PCDHB10: variants seen among roughly 807,000 people sequenced by gnomAD.
The protein encoded by PCDHB10 is protocadherin beta-10.
For missense variants in PCDHB10, 1,046 were observed against 1,004.7 expected, an observed-to-expected ratio of 1.04 and a Z score of -0.56; for synonymous variants, 448 against 449.2, an observed-to-expected ratio of 1.00 and a Z score of 0.04.
rs1563953814 is a variant in PCDHB10 at position 141,193,418 on chromosome 5, GAAC to G, written c.870_872del (p.Thr291del). The G allele has an allele frequency of 6.2e-7, 1 of 1,614,080 alleles. No individual in the cohort carries two copies. Among genetic ancestry groups the G allele is most frequent in the African/African-American group, 1.3e-5 (1 of 75,002 alleles). ...TTTTTTGATGCCTCAGAAAATATTC[GAAC>G]AACCTTTCAAATCAATCCTTTTTCT... On this transcript the variant is annotated inframe_deletion, in exon 1 of 1. Coordinates refer to ENST00000239446, the MANE Select transcript of PCDHB10 (RefSeq NM_018930.4).
rs1753967798 is a variant in PCDHB10 at position 141,193,750 on chromosome 5, T to A, written c.1198T>A (p.Phe400Ile). 6.2e-7 allele frequency: 1 copy of A among 1,614,092 alleles called. No individual in the cohort carries two copies. Among genetic ancestry groups the A allele is most frequent in the Non-Finnish European group, 8.5e-7 (1 of 1,180,044 alleles). The change falls in exon 1 of 1, where the codon TTT (phenylalanine) becomes ATT (isoleucine). Residue 400 changes from phenylalanine to isoleucine, a missense_variant. Phe to Ile is a conservative substitution (Grantham distance 21). Coordinates refer to ENST00000239446, the MANE Select transcript of PCDHB10 (RefSeq NM_018930.4). ...CCTACTAAAACCTTCTGTGGAGAATTTTTACATCCTAATTACAGAAGGCGC... is the reference window on the plus strand; with the variant it reads ...CCTACTAAAACCTTCTGTGGAGAATATTTACATCCTAATTACAGAAGGCGC... ...PFLLKPSVENFYILITEGALD... is the reference protein window; with the variant it reads ...PFLLKPSVENIYILITEGALD...
Position 141,192,958 on chromosome 5 carries a change from A to G in PCDHB10, c.406A>G (p.Lys136Glu), listed in dbSNP as rs1554283926. The G allele has an allele frequency of 6.2e-7, 1 of 1,614,206 alleles. No individual in the cohort carries two copies. The highest frequency in any genetic ancestry group is 8.5e-7 in the Non-Finnish European group (1 of 1,180,032). The change falls in exon 1 of 1, where the codon AAA (lysine) becomes GAA (glutamate). Residue 136 changes from lysine (K) to glutamate (E), a missense_variant. Physicochemically the swap from Lys to Glu is moderately conservative, Grantham distance 56. Coordinates refer to ENST00000239446, the MANE Select transcript of PCDHB10 (RefSeq NM_018930.4). ...INDHAPVFQD[K>E]ETVLKISENT... The stretch of plus-strand genomic sequence containing the variant: ...TGATCACGCGCCAGTATTTCAGGAC[A>G]AAGAAACAGTCTTAAAAATATCAGA...
chr5:141,193,521 C>A lies in PCDHB10; in HGVS notation c.969C>A (p.Asp323Glu), dbSNP rs199921937. The A allele has an allele frequency of 3.1e-6, 5 of 1,614,036 alleles. No individual in the cohort carries two copies. The highest frequency in any genetic ancestry group is 3.4e-6 in the Non-Finnish European group (4 of 1,180,002). ...ACAAAATAAATATACAGGCAATGGACGGTGGAGGCCTTTCTGCAAGATGTA... is the reference window on the plus strand; with the variant it reads ...ACAAAATAAATATACAGGCAATGGAAGGTGGAGGCCTTTCTGCAAGATGTA... ...NSYKINIQAM[D>E]GGGLSARCRV... Residue 323 changes from aspartate to glutamate, a missense_variant, in exon 1 of 1, where the codon GAC (aspartate) becomes GAA (glutamate). Physicochemically the swap from Asp to Glu is conservative, Grantham distance 45 (BLOSUM62 2). Transcript: ENST00000239446.
rs781819470 is a variant in PCDHB10, at chr5:141,193,525, G to A, written c.973G>A (p.Gly325Arg). 6.2e-7 allele frequency: 1 copy of A among 1,614,152 alleles called. No homozygotes were observed. The highest frequency in any genetic ancestry group is 1.7e-5 in the Admixed American group (1 of 60,018). ...AATAAATATACAGGCAATGGACGGT[G>A]GAGGCCTTTCTGCAAGATGTAGGGT... ...YKINIQAMDGGGLSARCRVLV... is the reference protein window; with the variant it reads ...YKINIQAMDGRGLSARCRVLV... Residue 325 changes from glycine (G) to arginine (R), a missense_variant, in exon 1 of 1, where the codon GGA becomes AGA. Transcript: ENST00000239446.
rs1425322210 is a variant in PCDHB10, at chr5:141,192,452, A to T, written c.-101A>T. On this transcript the variant is annotated 5_prime_UTR_variant, in exon 1 of 1. Transcript: ENST00000239446. ...TTGGGAAAGGGAAAGGACAAAAAAGACCCCTGGGCTACACGGCGTAGGTGC... is the reference window on the plus strand; with the variant it reads ...TTGGGAAAGGGAAAGGACAAAAAAGTCCCCTGGGCTACACGGCGTAGGTGC... 3 of 1,446,370 alleles carry T rather than the reference A, an allele frequency of 2.1e-6. No homozygotes were observed. The highest frequency in any genetic ancestry group is 2.9e-5 in the African/African-American group (2 of 69,976). 89.6% of individuals were successfully genotyped at this position (1,446,370 alleles called of 1,614,324 possible). A position where few individuals can be genotyped will look rare whatever the true frequency, so the allele number is the denominator to read the frequency against.
rs1229777473 is a variant in PCDHB10 at position 141,195,219 on chromosome 5, A to C, written c.*264A>C. On this transcript the variant is annotated 3_prime_UTR_variant, in exon 1 of 1. Coordinates refer to ENST00000239446, the MANE Select transcript of PCDHB10 (RefSeq NM_018930.4). Reference sequence around the variant, plus strand: ...GAATTAATTACTATTATATCTCATTACAGAAATCTGAGGTTTTGATTCATT... The same window carrying C: ...GAATTAATTACTATTATATCTCATTCCAGAAATCTGAGGTTTTGATTCATT... The C allele has an allele frequency of 6.3e-6, 2 of 315,856 alleles. No individual in the cohort carries two copies. The highest frequency in any genetic ancestry group is 4.4e-5 in the African/African-American group (2 of 45,554). 19.6% of individuals were successfully genotyped at this position (315,856 alleles called of 1,614,324 possible). A position where few individuals can be genotyped will look rare whatever the true frequency, so the allele number is the denominator to read the frequency against.
In PCDHB10 at chr5:141,194,601, CGAGG is replaced by C. The variant is rs1754008377; in HGVS notation, c.2050_2053del (p.Glu684ProfsTer57). On this transcript the variant is annotated frameshift_variant, in exon 1 of 1. Coordinates refer to ENST00000239446, the MANE Select transcript of PCDHB10 (RefSeq NM_018930.4). LOFTEE classifies it low-confidence loss of function (END_TRUNC). ...AGGCGGCCCCGGCCCAGGCCCAGGC[CGAGG>C]CCGACTTGCTCACCGTCTACCTGGT... The C allele has an allele frequency of 1.2e-6, 1 of 829,980 alleles. No individual in the cohort carries two copies. The highest frequency in any genetic ancestry group is 8.1e-5 in the East Asian group (1 of 12,396). The allele number at this position is 829,980 out of a possible 1,614,324, so 51.4% of individuals were successfully genotyped here.
chr5:141,192,512 C>A lies in PCDHB10; in HGVS notation c.-41C>A. 1 of 1,593,516 alleles carries A rather than the reference C, an allele frequency of 6.3e-7. No individual in the cohort carries two copies. Reference sequence around the variant, plus strand: ...TACTGCTGTTCTTTTATGCTGGGAGCTGTGGCTGTAACCAACTAGGAAATA... The same window carrying A: ...TACTGCTGTTCTTTTATGCTGGGAGATGTGGCTGTAACCAACTAGGAAATA... On this transcript the variant is annotated 5_prime_UTR_variant, in exon 1 of 1. It adds an upstream start codon to the 5' untranslated region. Transcript: ENST00000239446.
Position 141,192,457 on chromosome 5 carries a change from T to C in PCDHB10, c.-96T>C. The C allele has an allele frequency of 6.7e-7, 1 of 1,485,350 alleles. No homozygotes were observed. Among genetic ancestry groups the C allele is most frequent in the Non-Finnish European group, 9.1e-7 (1 of 1,103,956 alleles). 92.0% of individuals were successfully genotyped at this position (1,485,350 alleles called of 1,614,324 possible). Reference sequence around the variant, plus strand: ...AAAGGGAAAGGACAAAAAAGACCCCTGGGCTACACGGCGTAGGTGCAGGGT... The same window carrying C: ...AAAGGGAAAGGACAAAAAAGACCCCCGGGCTACACGGCGTAGGTGCAGGGT... On this transcript the variant is annotated 5_prime_UTR_variant, in exon 1 of 1. Coordinates refer to ENST00000239446, the MANE Select transcript of PCDHB10 (RefSeq NM_018930.4).
chr5:141,194,907 T>C lies in PCDHB10; in HGVS notation c.2355T>C (p.Gly785=). Residue 785 remains glycine, a synonymous_variant, in exon 1 of 1, where the codon GGT becomes GGC. Transcript: ENST00000239446. The part of the protein sequence containing the change: ...DIQAQGPGRK[G]EENSTFRNSF... ...AGGCACAGGGCCCTGGGAGGAAGGGTGAAGAAAATTCCACCTTCCGAAATA... is the reference window on the plus strand; with the variant it reads ...AGGCACAGGGCCCTGGGAGGAAGGGCGAAGAAAATTCCACCTTCCGAAATA... The C allele has an allele frequency of 1.2e-6, 2 of 1,612,832 alleles. No individual in the cohort carries two copies. The highest frequency in any genetic ancestry group is 1.7e-6 in the Non-Finnish European group (2 of 1,179,382).
rs371512348 is a variant in PCDHB10 at position 141,193,142 on chromosome 5, A to G, written c.590A>G (p.Asp197Gly). 1.0e-4 allele frequency: 162 copies of G among 1,614,034 alleles called. 1 individual carries two copies. Among genetic ancestry groups the G allele is most frequent in the Admixed American group, 1.5e-4 (9 of 60,006 alleles). Residue 197 changes from aspartate to glycine, a missense_variant, in exon 1 of 1, where the codon GAC (aspartate) becomes GGC (glycine). Physicochemically the swap from Asp to Gly is moderately conservative, Grantham distance 94. Coordinates refer to ENST00000239446, the MANE Select transcript of PCDHB10 (RefSeq NM_018930.4). The stretch of plus-strand genomic sequence containing the variant: ...ATGATATATCCAGAGCTAGTGTTGG[A>G]CAAAGCACTGGATCGGGAGGAGCAG... ...EGMIYPELVL[D>G]KALDREEQGE...
Position 141,193,614 on chromosome 5 carries a change from C to T in PCDHB10, c.1062C>T (p.Asn354=). The change falls in exon 1 of 1, where the codon AAC becomes AAT. Residue 354 remains asparagine (N), a synonymous_variant. Transcript: ENST00000239446. The stretch of plus-strand genomic sequence containing the variant: ...AACTGATCGTATCATCATTTTCCAA[C>T]TCTGTTGCTGAGAATTCTCCTGAGA... ...PPELIVSSFS[N]SVAENSPETP... 1 of 1,614,164 alleles carries T rather than the reference C, an allele frequency of 6.2e-7. No homozygotes were observed. The highest frequency in any genetic ancestry group is 8.5e-7 in the Non-Finnish European group (1 of 1,180,030).
At position 141,193,210 on chromosome 5, in the gene PCDHB10, C is replaced by G; in HGVS notation, c.658C>G (p.Pro220Ala). ...CCTCACAGCGCTGGATGGTGGGTCT[C>G]CATCCAGGTCTGGGACCTCTACTGT... ...LTLTALDGGS[P>A]SRSGTSTVRI... The change falls in exon 1 of 1, where the codon CCA becomes GCA. Residue 220 changes from proline (P) to alanine (A), a missense_variant. By Grantham distance (27) the Pro-to-Ala change is conservative. Coordinates refer to ENST00000239446, the MANE Select transcript of PCDHB10 (RefSeq NM_018930.4). 3 of 1,614,068 alleles carry G rather than the reference C, an allele frequency of 1.9e-6. No individual in the cohort carries two copies. Among genetic ancestry groups the G allele is most frequent in the Non-Finnish European group, 2.5e-6 (3 of 1,180,026 alleles).
chr5:141,194,727 T>A lies in PCDHB10; in HGVS notation c.2175T>A (p.Gly725=), dbSNP rs374480802. The A allele has an allele frequency of 2.3e-5, 37 of 1,611,318 alleles. No homozygotes were observed. Among genetic ancestry groups the A allele is most frequent in the African/African-American group, 4.0e-5 (3 of 74,630 alleles). ...LCRRSRAASV[G]RCSVPEGPFP... is the part of the protein sequence containing the mutation. Reference sequence around the variant, plus strand: ...GGAGGAGCAGGGCGGCCTCGGTGGGTCGCTGCTCGGTGCCCGAGGGTCCTT... The same window carrying A: ...GGAGGAGCAGGGCGGCCTCGGTGGGACGCTGCTCGGTGCCCGAGGGTCCTT... The change falls in exon 1 of 1, where the codon GGT becomes GGA. Residue 725 remains glycine, a synonymous_variant. Coordinates refer to ENST00000239446, the MANE Select transcript of PCDHB10 (RefSeq NM_018930.4).
rs782228192 is a variant in PCDHB10, at chr5:141,194,845, G to A, written c.2293G>A (p.Glu765Lys). The A allele has an allele frequency of 1.9e-6, 3 of 1,614,206 alleles. No homozygotes were observed. The highest frequency in any genetic ancestry group is 1.1e-5 in the South Asian group (1 of 91,084). ...VCLTGGPGTS[E>K]FKFLKPVISD... ...TCTGACGGGAGGCCCCGGGACCAGT[G>A]AGTTCAAGTTCTTGAAACCAGTTAT... is the stretch of plus-strand genomic sequence containing the variant. The change falls in exon 1 of 1, where the codon GAG becomes AAG. Residue 765 changes from glutamate (E) to lysine (K), a missense_variant. Transcript: ENST00000239446.
rs1754024973 is a variant in PCDHB10, at chr5:141,195,008, T to G, written c.*53T>G. The G allele has an allele frequency of 2.0e-6, 3 of 1,498,008 alleles. No individual in the cohort carries two copies. In the South Asian group the frequency reaches 4.1e-5, roughly 21 times the overall value. The allele number at this position is 1,498,008 out of a possible 1,614,324, so 92.8% of individuals were successfully genotyped here. A position where few individuals can be genotyped will look rare whatever the true frequency, so the allele number is the denominator to read the frequency against. Reference sequence around the variant, plus strand: ...GGTGTGTTACATAGCCATGTTTCTATTAGTTTACTTTTAAATCTCAAATTT... The same window carrying G: ...GGTGTGTTACATAGCCATGTTTCTAGTAGTTTACTTTTAAATCTCAAATTT... On this transcript the variant is annotated 3_prime_UTR_variant, in exon 1 of 1. Coordinates refer to ENST00000239446, the MANE Select transcript of PCDHB10 (RefSeq NM_018930.4).
chr5:141,192,740 G>A lies in PCDHB10; in HGVS notation c.188G>A (p.Gly63Glu). Reference protein sequence around the residue: ...GLAEGELAARGTRVVSDDNKQ... With the variant: ...GLAEGELAARETRVVSDDNKQ... ...GCAGAGGGGGAGCTGGCTGCAAGGG[G>A]AACCAGGGTGGTTTCCGATGATAAC... Residue 63 changes from glycine (G) to glutamate (E), a missense_variant, in exon 1 of 1, where the codon GGA (glycine) becomes GAA (glutamate). Coordinates refer to ENST00000239446, the MANE Select transcript of PCDHB10 (RefSeq NM_018930.4). 1 of 1,609,828 alleles carries A rather than the reference G, an allele frequency of 6.2e-7. No individual in the cohort carries two copies. The highest frequency in any genetic ancestry group is 1.7e-5 in the Admixed American group (1 of 59,670).
chr5:141,194,583 C>A lies in PCDHB10; in HGVS notation c.2031C>A (p.Ala677=), dbSNP rs781867544. ...CCTACCTGCCTCTCCCGGAGGCGGC[C>A]CCGGCCCAGGCCCAGGCCGAGGCCG... ...SQPYLPLPEA[A]PAQAQAEADL... is the part of the protein sequence containing the mutation. The change falls in exon 1 of 1, where the codon GCC becomes GCA. Residue 677 remains alanine, a synonymous_variant. Coordinates refer to ENST00000239446, the MANE Select transcript of PCDHB10 (RefSeq NM_018930.4). The A allele has an allele frequency of 2.2e-5, 35 of 1,562,064 alleles. 4 individuals carry two copies. The highest frequency in any genetic ancestry group is 2.2e-4 in the Middle Eastern group (1 of 4,528).
At position 141,192,545 on chromosome 5, in the gene PCDHB10, C is replaced by T; in HGVS notation, c.-8C>T. On this transcript the variant is annotated 5_prime_UTR_variant, in exon 1 of 1. It introduces an in-frame stop codon into an upstream open reading frame of the 5' UTR. Transcript: ENST00000239446. ...GTAACCAACTAGGAAATAACGTATG[C>T]AGCAGCTATGGCTGTCAGAGAGTTG... 3 of 1,611,564 alleles carry T rather than the reference C, an allele frequency of 1.9e-6. No homozygotes were observed. The highest frequency in any genetic ancestry group is 1.7e-6 in the Non-Finnish European group (2 of 1,178,944).
Sources: allele counts gnomAD v4.1 joint callset, GRCh38; gene constraint gnomAD v4.1.1; transcripts MANE v1.5; gene names NCBI Gene and HGNC (gene_info 2026-07-23, HGNC 2026-07-21).